TTC33: variants seen among roughly 807,000 people sequenced by gnomAD.
TTC33 encodes the protein tetratricopeptide repeat protein 33.
TTC33 carries 24 observed loss-of-function variants against 29.4 expected under a neutral mutation model. The observed-to-expected ratio is 0.82, with a 90% CI of 0.59 to 1.15. TTC33 has a LOEUF of 1.15. Ranked by LOEUF, TTC33 falls within the 50% of genes most tolerant of loss-of-function variation. TTC33 has a pLI of 0.00. For missense variants in TTC33, 286 were observed against 310.4 expected (o/e 0.92, Z 0.59); for synonymous variants, 107 against 100.3 (o/e 1.07, Z -0.40).
At position 40,715,651 on chromosome 5, in the gene TTC33, A is replaced by G. The variant is rs1741982185; in HGVS notation, c.*494T>C. The G allele has an allele frequency of 6.6e-6, 1 of 152,532 alleles. No homozygotes were observed. The highest frequency in any genetic ancestry group is 1.5e-5 in the Non-Finnish European group (1 of 68,164). The allele number at this position is 152,532 out of a possible 1,614,324, so 9.4% of individuals were successfully genotyped here. ...AGATTCCACATATAACCAAATGACA[A>G]CTTTGAATCAAAATGAATGTCAAAA... On this transcript the variant is annotated 3_prime_UTR_variant, in exon 5 of 5. Coordinates refer to ENST00000337702, the MANE Select transcript of TTC33 (RefSeq NM_012382.3).
chr5:40,723,144 G>C (rs538425066), intron 4 of TTC33, among the ~76,000 whole-genome samples: 45 of 151,830 alleles, frequency 3.0e-4, no homozygotes, highest in Non-Finnish European at 5.5e-4. Context: ...CCCCAACCCC[G>C]TGCTCTCTGA....
intron 1 of TTC33, among the ~76,000 whole-genome samples, chr5:40,755,574 C>A (rs1346357118): frequency 2.6e-5 from 4 of 152,208 alleles, no homozygotes; most frequent in Non-Finnish European, 5.9e-5. Context: ...ACGGCGGGCC[C>A]GACCCTCAGA....
At chr5:40,724,750 G>C (rs1322080661) in intron 4 of TTC33, among the ~76,000 whole-genome samples, 1 of 151,598 alleles carries the variant, frequency 6.6e-6, no homozygotes, top group Non-Finnish European at 1.5e-5. Context: ...CATTTATAAA[G>C]ACTATAATTC....
At chr5:40,742,984 T>C (rs959691136) in intron 2 of TTC33, among the ~76,000 whole-genome samples, 2 of 152,224 alleles carry the variant, frequency 1.3e-5, no homozygotes, top group Non-Finnish European at 2.9e-5. Context: ...CAAATTATTC[T>C]AAGAGCTGAA....
intron 4 of TTC33, among the ~76,000 whole-genome samples, chr5:40,722,520 C>T (rs1038410204): frequency 4.0e-5 from 6 of 151,740 alleles, no homozygotes; most frequent in Non-Finnish European, 8.8e-5. Context: ...GCCCCACCTC[C>T]CCGTCTGGAA....
chr5:40,716,088 T>A lies in TTC33; in HGVS notation c.*57A>T. ...TATCTCCAGAGTAAATGTCTCTATG[T>A]CAAAACTTCAAGAGGCAATCAAAAA... On this transcript the variant is annotated 3_prime_UTR_variant, in exon 5 of 5. Transcript: ENST00000337702. 2 of 1,406,970 alleles carry A rather than the reference T, an allele frequency of 1.4e-6. No homozygotes were observed. Among genetic ancestry groups the A allele is most frequent in the African/African-American group, 1.4e-5 (1 of 69,740 alleles). 87.2% of individuals were successfully genotyped at this position (1,406,970 alleles called of 1,614,324 possible).
chr5:40,729,464 A>AT (rs1742372523), intron 3 of TTC33, among the ~76,000 whole-genome samples: 1 of 152,202 alleles, frequency 6.6e-6, no homozygotes, highest in East Asian at 1.9e-4. Flanking sequence ...CCTACAAAAT[A>AT]TTAGAAACAT....
intron 2 of TTC33, among the ~76,000 whole-genome samples, chr5:40,741,302 A>G (rs1381776759): frequency 4.6e-5 from 7 of 152,130 alleles, no homozygotes; most frequent in African/African-American, 1.4e-4. Context: ...TAGTCATTCT[A>G]CTAAGAAATA....
Position 40,728,466 on chromosome 5 carries a change from G to C in TTC33, c.314C>G (p.Ser105Cys). ...LYEMKSQVLM[S>C]LHEMFPAVHA... is the part of the protein sequence containing the mutation. ...TACTGCTGGGAACATTTCATGAAGA[G>C]ACATTAGCACCTATAGGCAAAAAAA... Residue 105 changes from serine to cysteine, a missense_variant, in exon 4 of 5, where the codon TCT (serine) becomes TGT (cysteine). By Grantham distance (112) the Ser-to-Cys change is moderately radical. Coordinates refer to ENST00000337702, the MANE Select transcript of TTC33 (RefSeq NM_012382.3). 1 of 1,609,448 alleles carries C rather than the reference G, an allele frequency of 6.2e-7. No individual in the cohort carries two copies. Among genetic ancestry groups the C allele is most frequent in the Non-Finnish European group, 8.5e-7 (1 of 1,178,674 alleles).
intron 1 of TTC33, among the ~76,000 whole-genome samples, chr5:40,748,749 A>G (rs1039678732): frequency 2.6e-5 from 4 of 152,228 alleles, no homozygotes; most frequent in African/African-American, 9.6e-5. Flanking sequence ...TTTTCCTTTC[A>G]TATGTGTTAA....
intron 1 of TTC33, among the ~76,000 whole-genome samples, chr5:40,748,281 C>T (rs1328059443): frequency 1.3e-5 from 2 of 152,082 alleles, no homozygotes; most frequent in Non-Finnish European, 2.9e-5. Context: ...ATTGCAACCT[C>T]TGCCTCCCAG....
At chr5:40,722,734 G>A (rs1460275159) in intron 4 of TTC33, among the ~76,000 whole-genome samples, 5 of 151,266 alleles carry the variant, frequency 3.3e-5, no homozygotes, top group Non-Finnish European at 5.9e-5. Flanking sequence ...GGGAGGTGGC[G>A]GGGCAGCCCC....
At chr5:40,747,041 G>A in intron 1 of TTC33, 22 bp from the exon 2 acceptor site, 2 of 1,579,566 alleles carry the variant, frequency 1.3e-6, no homozygotes, top group Non-Finnish European at 1.7e-6. Flanking sequence ...CAAAGAAACA[G>A]CTTTAAAATT....
At chr5:40,749,890 C>A (rs1051857210) in intron 1 of TTC33, among the ~76,000 whole-genome samples, 74 of 151,806 alleles carry the variant, frequency 4.9e-4, no homozygotes, top group Non-Finnish European at 8.7e-4. Flanking sequence ...GAGTTTGAGA[C>A]CAGCCTGACC....
intron 2 of TTC33, among the ~76,000 whole-genome samples, chr5:40,742,075 G>T (rs1006419952): frequency 6.6e-6 from 1 of 152,088 alleles, no homozygotes; most frequent in Non-Finnish European, 1.5e-5. Context: ...GTCCTATGCT[G>T]ACTACTGTCC....
Position 40,715,866 on chromosome 5 carries a change from T to C in TTC33, c.*279A>G. The C allele has an allele frequency of 3.2e-6, 1 of 308,612 alleles. No individual in the cohort carries two copies. Among genetic ancestry groups the C allele is most frequent in the Non-Finnish European group, 5.9e-6 (1 of 169,400 alleles). The allele number at this position is 308,612 out of a possible 1,614,324, so 19.1% of individuals were successfully genotyped here. On this transcript the variant is annotated 3_prime_UTR_variant, in exon 5 of 5. Transcript: ENST00000337702. ...AGAATACATTTTTCAAGTTTTGTCTTTAAAATGTATTCATTTACATATTCA... is the reference window on the plus strand; with the variant it reads ...AGAATACATTTTTCAAGTTTTGTCTCTAAAATGTATTCATTTACATATTCA...
chr5:40,732,785 T>C (rs1428888587), intron 2 of TTC33, among the ~76,000 whole-genome samples: 10 of 152,090 alleles, frequency 6.6e-5, no homozygotes, highest in South Asian at 2.1e-4. Flanking sequence ...ATTTTTGTTT[T>C]TTCGTAGAGA....
chr5:40,730,251 A>C lies in TTC33; in HGVS notation c.303+11T>G. 3 of 1,588,760 alleles carry C rather than the reference A, an allele frequency of 1.9e-6. No homozygotes were observed. The highest frequency in any genetic ancestry group is 2.3e-5 in the South Asian group (2 of 87,554). On this transcript the variant is annotated intron_variant, in intron 3 of 4. Coordinates refer to ENST00000337702, the MANE Select transcript of TTC33 (RefSeq NM_012382.3). ...TTTCATAAGGAAAGTGAAATTCTTC[A>C]TAATTATTACCTGTGATTTCATCTC...
intron 2 of TTC33, among the ~76,000 whole-genome samples, chr5:40,733,009 C>T (rs1742468040): frequency 1.3e-5 from 2 of 152,064 alleles, no homozygotes; most frequent in Admixed American, 1.3e-4. Flanking sequence ...ACAGATGTAG[C>T]ATGCTCTTAA....
Sources: allele counts gnomAD v4.1 joint callset (sites outside exome capture counted in the v4.1 genomes callset), GRCh38; gene constraint gnomAD v4.1.1; transcripts MANE v1.5; gene names NCBI Gene and HGNC (gene_info 2026-07-23, HGNC 2026-07-21).